The following FAM135B variants were observed in gnomAD, a reference collection of about 807,000 sequenced individuals.
FAM135B encodes the protein family with sequence similarity 135 member B.
Under a neutral mutation model 127.7 loss-of-function variants are expected in FAM135B, and 43 were observed. The ratio of observed to expected loss-of-function variants is 0.34; its 90% CI spans 0.26 to 0.43. The LOEUF (loss-of-function observed/expected upper bound fraction) is 0.43. Among genes scored for constraint, FAM135B ranks in the 20% least tolerant of loss-of-function variants. FAM135B has a pLI of 1.00. For missense variants in FAM135B, 1,558 were observed against 1,725.6 expected (o/e 0.90, Z 1.72); for synonymous variants, 670 against 665.1 (o/e 1.01, Z -0.11).
intron 8 of FAM135B, among the ~76,000 whole-genome samples, chr8:138,197,190 G>T (rs1245212281): frequency 6.6e-6 from 1 of 151,762 alleles, no homozygotes; most frequent in Non-Finnish European, 1.5e-5. Flanking sequence ...GCTTAATTAA[G>T]AAAAGGCTAT....
chr8:138,403,362 G>A (rs1444076561), intron 1 of FAM135B, among the ~76,000 whole-genome samples: 1 of 151,944 alleles, frequency 6.6e-6, no homozygotes, highest in Admixed American at 6.6e-5. Flanking sequence ...ACCAACCTTG[G>A]AGAACAACCC....
chr8:138,243,172 G>C lies in FAM135B; in HGVS notation c.543-104C>G, dbSNP rs1159661808. 1 of 1,372,466 alleles carries C rather than the reference G, an allele frequency of 7.3e-7. No homozygotes were observed. The highest frequency in any genetic ancestry group is 1.5e-5 in the South Asian group (1 of 65,838). The allele number at this position is 1,372,466 out of a possible 1,614,324, so 85.0% of individuals were successfully genotyped here. On this transcript the variant is annotated intron_variant, in intron 6 of 19. Coordinates refer to ENST00000395297, the MANE Select transcript of FAM135B (RefSeq NM_015912.4). This position sits in a 1 kb window ranked among gnomAD's most constrained non-coding sequence, Gnocchi z 7.5. ...TGTTCCTGTGAAGCATTTGGGATAAGTCATTTAGGAGTAGTTCACCCCCTA... is the reference window on the plus strand; with the variant it reads ...TGTTCCTGTGAAGCATTTGGGATAACTCATTTAGGAGTAGTTCACCCCCTA...
intron 2 of FAM135B, among the ~76,000 whole-genome samples, chr8:138,353,158 C>T (rs1829882148): frequency 6.6e-6 from 1 of 152,118 alleles, no homozygotes; most frequent in Non-Finnish European, 1.5e-5. Flanking sequence ...CCTATGCATG[C>T]TTTTCTACCT....
chr8:138,432,512 T>C (rs1835248956), intron 1 of FAM135B, among the ~76,000 whole-genome samples: 2 of 151,922 alleles, frequency 1.3e-5, no homozygotes, highest in South Asian at 4.2e-4. Flanking sequence ...AGGTGTGTCA[T>C]CTTACCCATC....
chr8:138,248,604 G>C (rs957360008), intron 6 of FAM135B, among the ~76,000 whole-genome samples: 2 of 151,978 alleles, frequency 1.3e-5, no homozygotes, highest in African/African-American at 4.8e-5. Flanking sequence ...TGGATTGCTT[G>C]ACCTCAGGAA....
intron 7 of FAM135B, among the ~76,000 whole-genome samples, chr8:138,235,375 T>G (rs1486010356): frequency 1.3e-5 from 2 of 152,174 alleles, no homozygotes; most frequent in Non-Finnish European, 2.9e-5. Context: ...GTTTGATTAG[T>G]GAATAAACCA....
At chr8:138,488,096 A>G (rs1017904379) in intron 1 of FAM135B, among the ~76,000 whole-genome samples, 43 of 152,306 alleles carry the variant, frequency 2.8e-4, no homozygotes, top group African/African-American at 1.0e-3. Context: ...AGCAGCAAGC[A>G]ACCAGCCTAC....
chr8:138,215,710 C>A (rs1818491233), intron 7 of FAM135B, among the ~76,000 whole-genome samples: 1 of 152,142 alleles, frequency 6.6e-6, no homozygotes, highest in African/African-American at 2.4e-5. Flanking sequence ...ATTGATACAT[C>A]AATAATAATT....
chr8:138,382,255 T>TG (rs1831903959), intron 1 of FAM135B, among the ~76,000 whole-genome samples: 1 of 152,084 alleles, frequency 6.6e-6, no homozygotes, highest in African/African-American at 2.4e-5. Flanking sequence ...GCCTTAACGA[T>TG]GGTCTTAAAC....
At chr8:138,407,389 C>T (rs1364035778) in intron 1 of FAM135B, among the ~76,000 whole-genome samples, 1 of 152,150 alleles carries the variant, frequency 6.6e-6, no homozygotes, top group African/African-American at 2.4e-5. Context: ...ACTTTCTTCA[C>T]TGAATTGGAA....
chr8:138,229,298 G>T (rs1241593647), intron 7 of FAM135B, among the ~76,000 whole-genome samples: 1 of 152,086 alleles, frequency 6.6e-6, no homozygotes, highest in Admixed American at 6.5e-5. Context: ...TCTGGGCGTG[G>T]CATTGGACAC....
intron 1 of FAM135B, among the ~76,000 whole-genome samples, chr8:138,490,198 C>G (rs1564039973): frequency 6.6e-6 from 1 of 152,168 alleles, no homozygotes; most frequent in East Asian, 1.9e-4. Context: ...ACAGCTAATT[C>G]ATATCAGAGT....
At chr8:138,370,055 CA>C (rs2131229364) in intron 1 of FAM135B, among the ~76,000 whole-genome samples, 1 of 152,260 alleles carries the variant, frequency 6.6e-6, no homozygotes, top group Non-Finnish European at 1.5e-5. Context: ...ACACAATCCT[CA>C]AAAGCCCTCT....
chr8:138,226,484 GT>G, intron 7 of FAM135B, among the ~76,000 whole-genome samples: 1 of 152,284 alleles, frequency 6.6e-6, no homozygotes, highest in African/African-American at 2.4e-5. Context: ...AGTAGGGGTT[GT>G]CCAGGAAGTG....
chr8:138,178,786 A>G (rs1256570748), intron 9 of FAM135B, 96 bp from the exon 10 acceptor site: 3 of 990,174 alleles, frequency 3.0e-6, no homozygotes, highest in Admixed American at 2.3e-5. Flanking sequence ...TCTGTTTTCA[A>G]TAAAGCACTC....
At chr8:138,173,038 T>C (rs1337988050) in intron 11 of FAM135B, among the ~76,000 whole-genome samples, 2 of 152,074 alleles carry the variant, frequency 1.3e-5, no homozygotes, top group Non-Finnish European at 2.9e-5. Context: ...TAAATGACAC[T>C]CTAGGGGAGC....
chr8:138,168,179 T>C, intron 11 of FAM135B, 130 bp from the exon 12 acceptor site: 1 of 1,066,260 alleles, frequency 9.4e-7, no homozygotes, highest in Non-Finnish European at 1.3e-6. Flanking sequence ...CCATCATCCT[T>C]TTCTTCCACC....
Position 138,130,857 on chromosome 8 carries a change from A to C in FAM135B, c.*1736T>G, listed in dbSNP as rs1816162537. 6.6e-6 allele frequency: 1 copy of C among 152,262 alleles called. No individual in the cohort carries two copies. 9.4% of individuals were successfully genotyped at this position (152,262 alleles called of 1,614,324 possible). On this transcript the variant is annotated 3_prime_UTR_variant, in exon 20 of 20. Transcript: ENST00000395297. The stretch of plus-strand genomic sequence containing the variant: ...AAAATCCCCAGTGGAAAGTGACCAG[A>C]GGACTCAGTGAACCCATATGCATTA...
At chr8:138,274,844 TA>T (rs1823685925) in intron 3 of FAM135B, among the ~76,000 whole-genome samples, 1 of 152,178 alleles carries the variant, frequency 6.6e-6, no homozygotes. Context: ...AGTTTAAGGT[TA>T]TCTCTCTTAT....
Sources: gnomAD v4.1 joint callset for allele counts (sites outside exome capture counted in the v4.1 genomes callset) on GRCh38, gnomAD v4.1.1 for gene constraint, Gnocchi (gnomAD v3.1) non-coding constraint, MANE v1.5 for transcripts, NCBI Gene and HGNC (gene_info 2026-07-23, HGNC 2026-07-21) for gene names.